The following ELAVL2 variants were observed in gnomAD, a reference collection of about 807,000 sequenced individuals.
ELAVL2 encodes the protein ELAV like RNA binding protein 2.
ELAVL2 carries 4 observed loss-of-function variants against 34.6 expected under a neutral mutation model. The ratio of observed to expected loss-of-function variants is 0.12; its 90% CI spans 0.06 to 0.26. The LOEUF is 0.26. ELAVL2 is among the 10% of genes least tolerant of loss of function. ELAVL2 has a pLI of 1.00. For synonymous variants in ELAVL2, 193 were observed against 154.8 expected, an observed-to-expected ratio of 1.25 and a Z score of -1.83; for missense variants, 432 against 442.8, an observed-to-expected ratio of 0.98 and a Z score of 0.22.
At chr9:23,718,761 A>C (rs1029404122) in intron 3 of ELAVL2, among the ~76,000 whole-genome samples, 1 of 152,234 alleles carries the variant, frequency 6.6e-6, no homozygotes, top group African/African-American at 2.4e-5. Context: ...TATGACTTTA[A>C]GTCTACCAAG....
chr9:23,752,580 G>A (rs1180646546), intron 2 of ELAVL2, among the ~76,000 whole-genome samples: 1 of 151,670 alleles, frequency 6.6e-6, no homozygotes, highest in Non-Finnish European at 1.5e-5. Flanking sequence ...TCAGCCTCCT[G>A]AAGAGCTGGG....
chr9:23,802,680 G>A (rs1341161699), intron 1 of ELAVL2, among the ~76,000 whole-genome samples: 3 of 152,212 alleles, frequency 2.0e-5, no homozygotes, highest in Non-Finnish European at 4.4e-5. Context: ...GAAGTCAAGA[G>A]AATGCCTTTT....
chr9:23,802,417 G>A (rs1225525843), intron 1 of ELAVL2, among the ~76,000 whole-genome samples: 2 of 152,168 alleles, frequency 1.3e-5, no homozygotes, highest in Non-Finnish European at 2.9e-5. Flanking sequence ...GATAGAATCT[G>A]GTCATAGCAT....
chr9:23,831,715 G>A, the ELAVL2 span: 3 of 152,148 alleles, frequency 2.0e-5, no homozygotes, highest in African/African-American at 2.4e-5. Flanking sequence ...AGGTGGCAGA[G>A]GCAGCAGTCT....
chr9:23,803,365 T>A (rs2061803098), intron 1 of ELAVL2, among the ~76,000 whole-genome samples: 1 of 152,150 alleles, frequency 6.6e-6, no homozygotes, highest in Non-Finnish European at 1.5e-5. Context: ...CTTACACTGG[T>A]TTAGAAAAAT....
intron 1 of ELAVL2, among the ~76,000 whole-genome samples, chr9:23,777,664 TAAATTAAAAC>T (rs1282179605): frequency 9.2e-5 from 14 of 152,184 alleles, no homozygotes; most frequent in Middle Eastern, 3.4e-3. Context: ...GCAAGAACGG[TAAATTAAAAC>T]TGAAGAAAAC....
At chr9:23,792,978 T>G (rs985113724) in intron 1 of ELAVL2, among the ~76,000 whole-genome samples, 1 of 152,092 alleles carries the variant, frequency 6.6e-6, no homozygotes, top group African/African-American at 2.4e-5. Flanking sequence ...GTCCTCACTA[T>G]GTTGTTGAGA....
chr9:23,792,315 C>G (rs1376710083), intron 1 of ELAVL2, among the ~76,000 whole-genome samples: 1 of 152,188 alleles, frequency 6.6e-6, no homozygotes, highest in Admixed American at 6.5e-5. Context: ...ATGGGTTTAT[C>G]AGGACATAAG....
At chr9:23,798,513 C>A (rs2061227865) in intron 1 of ELAVL2, among the ~76,000 whole-genome samples, 1 of 152,186 alleles carries the variant, frequency 6.6e-6, no homozygotes, top group Non-Finnish European at 1.5e-5. Context: ...TCCATGTAGA[C>A]TGCTGAGAAC....
intron 2 of ELAVL2, among the ~76,000 whole-genome samples, chr9:23,745,559 T>C (rs776014989): frequency 5.3e-5 from 8 of 152,078 alleles, no homozygotes; most frequent in East Asian, 1.9e-4. Flanking sequence ...AAAAAAAACA[T>C]ACTGTAATAA....
At chr9:23,849,312 T>C in the ELAVL2 span, among the ~76,000 whole-genome samples, 27 of 152,300 alleles carry the variant, frequency 1.8e-4, no homozygotes, top group African/African-American at 6.5e-4. Flanking sequence ...AAGCAATTCC[T>C]TTCTCCAGCC....
chr9:23,743,189 T>C (rs2049691284), intron 2 of ELAVL2, among the ~76,000 whole-genome samples: 1 of 152,170 alleles, frequency 6.6e-6, no homozygotes, highest in South Asian at 2.1e-4. Context: ...ATTTTGTTTT[T>C]GCTCAGGGAC....
rs148735574 is a variant in ELAVL2, at chr9:23,708,905, T to C, written c.334-3834A>G. Among the ~76,000 whole-genome samples the C allele has an allele frequency of 4.3e-3, 660 of 152,314 alleles. 3 individuals carry two copies. Among genetic ancestry groups the C allele is most frequent in the African/African-American group, 0.015 (623 of 41,576 alleles). ...AGCCCACCTCGGCCTCCCAAAGTGC[T>C]GGGATTACAGGCATGAGCCACCACG... On this transcript the variant is annotated intron_variant, in intron 3 of 6. Transcript: ENST00000397312.
At chr9:23,821,652 T>G (rs1432462765) in intron 1 of ELAVL2, 2 of 152,346 alleles carry the variant, frequency 1.3e-5, no homozygotes, top group Non-Finnish European at 2.9e-5. Flanking sequence ...CCGCTGGCCG[T>G]CAGCACTGCC....
At chr9:23,839,657 G>C in the ELAVL2 span, among the ~76,000 whole-genome samples, 2 of 152,106 alleles carry the variant, frequency 1.3e-5, no homozygotes, top group South Asian at 4.1e-4. Context: ...AAACTGACCT[G>C]AAAGGAAAAT....
chr9:23,844,587 A>T, the ELAVL2 span, among the ~76,000 whole-genome samples: 1 of 152,028 alleles, frequency 6.6e-6, no homozygotes, highest in Non-Finnish European at 1.5e-5. Flanking sequence ...TTATAATGTT[A>T]ATCAGCTCTT....
At chr9:23,746,758 T>A (rs145209296) in intron 2 of ELAVL2, among the ~76,000 whole-genome samples, 1 of 150,234 alleles carries the variant, frequency 6.7e-6, no homozygotes, top group South Asian at 2.1e-4. Flanking sequence ...AATGTAAGAC[T>A]GAGACAAGTT....
chr9:23,748,601 GAAC>G (rs1427268686), intron 2 of ELAVL2, among the ~76,000 whole-genome samples: 1 of 152,098 alleles, frequency 6.6e-6, no homozygotes, highest in African/African-American at 2.4e-5. Flanking sequence ...AAACCAGGCA[GAAC>G]AACTGCAAAG....
At chr9:23,764,025 G>T (rs2055663632) in intron 1 of ELAVL2, among the ~76,000 whole-genome samples, 1 of 152,140 alleles carries the variant, frequency 6.6e-6, no homozygotes, top group South Asian at 2.1e-4. Flanking sequence ...ATTTGAATTT[G>T]AAAAGGGAAG....
Sources: gnomAD v4.1 joint callset for allele counts (sites outside exome capture counted in the v4.1 genomes callset) on GRCh38, gnomAD v4.1.1 for gene constraint, MANE v1.5 for transcripts, NCBI Gene and HGNC (gene_info 2026-07-23, HGNC 2026-07-21) for gene names.